The following BRDT variants were observed in gnomAD, a reference collection of about 807,000 sequenced individuals.
BRDT encodes the protein bromodomain testis-specific protein.
A neutral mutation model predicts 113.9 loss-of-function variants in BRDT; 77 were observed. The ratio of observed to expected loss-of-function variants is 0.68; its 90% CI spans 0.56 to 0.82. The LOEUF (loss-of-function observed/expected upper bound fraction) is 0.82, where lower values mean the gene tolerates loss of function less well. BRDT is among the 40% of genes least tolerant of loss of function. The pLI is 0.00. For missense variants in BRDT, 1,027 were observed against 1,105.4 expected (o/e 0.93, Z 1.01); for synonymous variants, 358 against 366.5 (o/e 0.98, Z 0.26).
chr1:92,002,219 G>A, intron 16 of BRDT, 70 bp downstream of exon 16: 1 of 1,099,438 alleles, frequency 9.1e-7, no homozygotes, highest in South Asian at 1.5e-5. Context: ...TGGTACAAGA[G>A]GTATTTAAAA....
chr1:91,994,914 A>C (rs1686159553), intron 15 of BRDT, among the ~76,000 whole-genome samples: 1 of 150,890 alleles, frequency 6.6e-6, no homozygotes. Flanking sequence ...AGATACTTAG[A>C]GATTCTATAA....
At chr1:91,949,381 C>A (rs1680783453), upstream of BRDT, 1 of 152,266 alleles carries the variant, frequency 6.6e-6, no homozygotes, top group Non-Finnish European at 1.5e-5. Context: ...TATAAAAGCG[C>A]CTGTCGCGCG....
At chr1:91,987,246 C>T (rs377108728) in intron 12 of BRDT, among the ~76,000 whole-genome samples, 1 of 151,712 alleles carries the variant, frequency 6.6e-6, no homozygotes, top group Non-Finnish European at 1.5e-5. Flanking sequence ...ATAATCTGTC[C>T]TCTGTAATGA....
chr1:91,951,037 A>AG (rs1309395030), intron 1 of BRDT, among the ~76,000 whole-genome samples: 1 of 123,714 alleles, frequency 8.1e-6, no homozygotes, highest in Non-Finnish European at 1.8e-5. Flanking sequence ...AAAAAAAAAA[A>AG]AGAGATGGTC....
At chr1:91,978,333 C>A (rs769237249) in intron 7 of BRDT, 37 bp downstream of exon 7, 1 of 1,608,202 alleles carries the variant, frequency 6.2e-7, no homozygotes, top group East Asian at 2.2e-5. Flanking sequence ...TGTTTTTCCT[C>A]TGAACATAGT....
intron 16 of BRDT, 81 bp from the exon 17 acceptor site, chr1:92,004,333 T>C: frequency 1.1e-6 from 1 of 893,456 alleles, no homozygotes; most frequent in Non-Finnish European, 1.7e-6. Context: ...GATCTATTGC[T>C]GTATCATCAA....
intron 3 of BRDT, among the ~76,000 whole-genome samples, chr1:91,967,934 G>A (rs574600317): frequency 1.3e-3 from 200 of 152,316 alleles, no homozygotes; most frequent in African/African-American, 4.7e-3. Flanking sequence ...AGCTGAAGGA[G>A]TAGGATGCTA....
At chr1:91,955,789 A>C (rs1490205729) in intron 1 of BRDT, among the ~76,000 whole-genome samples, 1 of 140,844 alleles carries the variant, frequency 7.1e-6, no homozygotes, top group East Asian at 2.1e-4. Flanking sequence ...GCCTCCAGCC[A>C]AGAAATGCAG....
chr1:91,961,300 G>C (rs1315951037), intron 1 of BRDT, among the ~76,000 whole-genome samples: 1 of 152,066 alleles, frequency 6.6e-6, no homozygotes, highest in Non-Finnish European at 1.5e-5. Context: ...GGTAGAGTGA[G>C]ACTCCATCTC....
chr1:92,012,072 G>T (rs946287226), intron 18 of BRDT, among the ~76,000 whole-genome samples: 1 of 152,124 alleles, frequency 6.6e-6, no homozygotes, highest in African/African-American at 2.4e-5. Flanking sequence ...ACTTTGAGAG[G>T]CCGAGGCAGG....
chr1:92,005,439 A>G, intron 18 of BRDT, 140 bp downstream of exon 18: 2 of 733,426 alleles, frequency 2.7e-6, no homozygotes, highest in Non-Finnish European at 3.9e-6. Flanking sequence ...ATCAGGTTCT[A>G]AAATTAAAGC....
chr1:91,964,671 TAAG>T lies in BRDT; in HGVS notation c.241_243del (p.Lys81del). The stretch of plus-strand genomic sequence containing the variant: ...AAAACCCAATGGATTTAAATACAAT[TAAG>T]AAGCGCTTGGAGAATAAATATTATG... On this transcript the variant is annotated inframe_deletion, in exon 3 of 19. Transcript: ENST00000399546. 6.7e-7 allele frequency: 1 copy of T among 1,500,704 alleles called. No homozygotes were observed. Among genetic ancestry groups the T allele is most frequent in the Non-Finnish European group, 9.2e-7 (1 of 1,092,454 alleles). 93.0% of individuals were successfully genotyped at this position (1,500,704 alleles called of 1,614,324 possible).
intron 2 of BRDT, among the ~76,000 whole-genome samples, chr1:91,963,391 T>C (rs1682709386): frequency 6.6e-6 from 1 of 152,236 alleles, no homozygotes; most frequent in African/African-American, 2.4e-5. Flanking sequence ...AGTATTTTTT[T>C]CCAAGAAAAA....
intron 5 of BRDT, among the ~76,000 whole-genome samples, chr1:91,976,757 CTTTT>C (rs1001464398): frequency 6.6e-6 from 1 of 151,990 alleles, no homozygotes; most frequent in East Asian, 1.9e-4. Context: ...TGTTCAGAAA[CTTTT>C]TTTGGTATAT....
intron 14 of BRDT, among the ~76,000 whole-genome samples, chr1:91,992,815 C>G (rs981765955): frequency 1.3e-5 from 2 of 152,138 alleles, no homozygotes; most frequent in Admixed American, 1.3e-4. Context: ...GGATTACAGG[C>G]GTGAGCCACC....
intron 1 of BRDT, among the ~76,000 whole-genome samples, chr1:91,962,045 G>T (rs112467552): frequency 0.032 from 4,513 of 141,346 alleles, 65 homozygotes; most frequent in Non-Finnish European, 0.044. Context: ...CTCGGGAGGC[G>T]GAGGCAGGAG....
At chr1:91,983,891 A>T (rs530606688) in intron 12 of BRDT, among the ~76,000 whole-genome samples, 93 of 152,208 alleles carry the variant, frequency 6.1e-4, no homozygotes, top group African/African-American at 2.1e-3. Flanking sequence ...CATGTTGTCC[A>T]GGCTGGTCTT....
chr1:92,014,358 A>G lies in BRDT; in HGVS notation c.*84A>G. 1.1e-6 allele frequency: 1 copy of G among 903,160 alleles called. No homozygotes were observed. The highest frequency in any genetic ancestry group is 1.7e-6 in the Non-Finnish European group (1 of 596,398). The allele number at this position is 903,160 out of a possible 1,614,324, so 55.9% of individuals were successfully genotyped here. ...ATGGTAAAATGATTGCTTTCAGATA[A>G]CAAGATACCAATCTTATATTGTATT... On this transcript the variant is annotated 3_prime_UTR_variant, in exon 19 of 19. Coordinates refer to ENST00000399546, the MANE Select transcript of BRDT (RefSeq NM_207189.4).
chr1:91,969,011 A>G (rs1486664047), intron 4 of BRDT, among the ~76,000 whole-genome samples: 1 of 151,940 alleles, frequency 6.6e-6, no homozygotes. Flanking sequence ...ATCTCGGCTC[A>G]CTGCAAGCTC....
Sources: allele counts gnomAD v4.1 joint callset (sites outside exome capture counted in the v4.1 genomes callset), GRCh38; gene constraint gnomAD v4.1.1; transcripts MANE v1.5; gene names NCBI Gene and HGNC (gene_info 2026-07-23, HGNC 2026-07-21).